The following BICD1 variants were observed in gnomAD, a reference collection of about 807,000 sequenced individuals.
BICD1 encodes BICD cargo adaptor 1.
Under a neutral mutation model 92.5 loss-of-function variants are expected in BICD1, and 35 were observed. The observed-to-expected ratio is 0.38, with a 90% CI of 0.29 to 0.50. The LOEUF (loss-of-function observed/expected upper bound fraction) is 0.50. BICD1 is among the 20% of genes least tolerant of loss of function. The pLI is 0.93. For missense variants in BICD1, 950 were observed against 1,189.8 expected, an observed-to-expected ratio of 0.80 and a Z score of 2.97; for synonymous variants, 429 against 465.1, an observed-to-expected ratio of 0.92 and a Z score of 1.00.
In BICD1 at chr12:32,296,744, G is replaced by A. The variant is rs191915413; in HGVS notation, c.579+2598G>A. 3.9e-5 allele frequency among the ~76,000 whole-genome samples: 6 copies of A among 152,264 alleles called. No homozygotes were observed. In the East Asian group the frequency reaches 7.7e-4, roughly 20 times the overall value. On this transcript the variant is annotated intron_variant, in intron 3 of 9. Transcript: ENST00000652176. ...CCTCCCTGGAGAGCCTTCCCTGACC[G>A]CATGTGGAGACTGATGGACTCAGGA... is the stretch of plus-strand genomic sequence containing the variant.
intron 1 of BICD1, among the ~76,000 whole-genome samples, chr12:32,150,623 G>A (rs1258809200): frequency 1.3e-5 from 2 of 152,172 alleles, no homozygotes; most frequent in African/African-American, 4.8e-5. Flanking sequence ...GCTTTTCCAT[G>A]CTATAGACGG....
intron 1 of BICD1, among the ~76,000 whole-genome samples, chr12:32,111,914 T>A (rs1397872351): frequency 6.6e-6 from 1 of 152,160 alleles, no homozygotes; most frequent in Non-Finnish European, 1.5e-5. Flanking sequence ...TTGGAAACTG[T>A]TTACAAACAA....
chr12:32,193,117 C>A (rs1944624933), intron 1 of BICD1, among the ~76,000 whole-genome samples: 1 of 152,182 alleles, frequency 6.6e-6, no homozygotes, highest in African/African-American at 2.4e-5. Flanking sequence ...TGCTGCCAGA[C>A]AGTATTGCCT....
intron 2 of BICD1, among the ~76,000 whole-genome samples, chr12:32,264,269 T>G (rs988102103): frequency 1.3e-5 from 2 of 152,314 alleles, no homozygotes; most frequent in Non-Finnish European, 2.9e-5. Context: ...TCTCCTCAAC[T>G]AAATTATAAA....
intron 1 of BICD1, among the ~76,000 whole-genome samples, chr12:32,181,293 G>A (rs920625343): frequency 5.3e-5 from 8 of 151,558 alleles, no homozygotes; most frequent in African/African-American, 7.3e-5. Context: ...GGTGGCATGC[G>A]CCTGTAATCC....
chr12:32,367,666 G>A lies in BICD1; in HGVS notation c.2765-4G>A. The A allele has an allele frequency of 6.2e-7, 1 of 1,613,616 alleles. No individual in the cohort carries two copies. The highest frequency in any genetic ancestry group is 1.7e-5 in the Admixed American group (1 of 60,026). ...CACATGTCTAATTTATCAGTTTCTT[G>A]TAGATTGTCAGCAGCCTGCTGCCTC... On this transcript the variant is annotated splice_region_variant and splice_polypyrimidine_tract_variant and intron_variant, in intron 8 of 9. Transcript: ENST00000652176.
rs1437205348 is a variant in BICD1, at chr12:32,377,990, C to T, written c.*363C>T. ...CGTATATTGCAGTATCATCTTTCCTCACACTCCAAATTCAGCTAGGGAAGT... is the reference window on the plus strand; with the variant it reads ...CGTATATTGCAGTATCATCTTTCCTTACACTCCAAATTCAGCTAGGGAAGT... On this transcript the variant is annotated 3_prime_UTR_variant, in exon 10 of 10. Coordinates refer to ENST00000652176, the MANE Select transcript of BICD1 (RefSeq NM_001714.4). The T allele has an allele frequency of 1.2e-5, 2 of 164,014 alleles. No homozygotes were observed. Among genetic ancestry groups the T allele is most frequent in the Non-Finnish European group, 1.3e-5 (1 of 75,542 alleles). 10.2% of individuals were successfully genotyped at this position (164,014 alleles called of 1,614,324 possible).
At chr12:32,367,565 G>T in intron 8 of BICD1, 105 bp from the exon 9 acceptor site, 1 of 1,007,594 alleles carries the variant, frequency 9.9e-7, no homozygotes, top group Non-Finnish European at 1.5e-6. Flanking sequence ...CTGTGTGAAT[G>T]CACATTCCTC....
intron 2 of BICD1, among the ~76,000 whole-genome samples, chr12:32,219,212 A>T (rs1189356510): frequency 6.6e-6 from 1 of 152,154 alleles, no homozygotes; most frequent in Non-Finnish European, 1.5e-5. Context: ...ATTTTTCTTT[A>T]CTGAAAGGAC....
intron 1 of BICD1, among the ~76,000 whole-genome samples, chr12:32,157,721 T>C (rs562614899): frequency 6.6e-6 from 1 of 152,340 alleles, no homozygotes; most frequent in South Asian, 2.1e-4. Flanking sequence ...TTCCCCCTTT[T>C]TTCTGTCTTT....
intron 8 of BICD1, among the ~76,000 whole-genome samples, chr12:32,348,753 T>C (rs1197360509): frequency 1.3e-4 from 3 of 23,498 alleles, no homozygotes; most frequent in Non-Finnish European, 2.2e-4. Flanking sequence ...TATATATATA[T>C]ATATATATAT....
intron 6 of BICD1, among the ~76,000 whole-genome samples, chr12:32,336,789 C>CTGGGG (rs1262703147): frequency 6.6e-6 from 1 of 152,138 alleles, no homozygotes; most frequent in Non-Finnish European, 1.5e-5. Flanking sequence ...AACTCTGTCC[C>CTGGGG]TGGGGTTTAA....
chr12:32,294,620 TAAAAAAAA>T (rs60052535), intron 3 of BICD1, among the ~76,000 whole-genome samples: 2 of 65,628 alleles, frequency 3.0e-5, no homozygotes, highest in Non-Finnish European at 5.8e-5. Flanking sequence ...GACTCCGTCT[TAAAAAAAA>T]AAAAAAAAAA....
At chr12:32,127,538 T>C (rs1274358400) in intron 1 of BICD1, among the ~76,000 whole-genome samples, 1 of 152,206 alleles carries the variant, frequency 6.6e-6, no homozygotes, top group Non-Finnish European at 1.5e-5. Context: ...TGGTCTATTC[T>C]TGTGCAAATG....
chr12:32,260,456 C>G (rs1009843887), intron 2 of BICD1, among the ~76,000 whole-genome samples: 7 of 152,126 alleles, frequency 4.6e-5, no homozygotes, highest in Non-Finnish European at 7.3e-5. Flanking sequence ...ACGTAGCTCA[C>G]AATAAACAAT....
intron 1 of BICD1, among the ~76,000 whole-genome samples, chr12:32,158,488 TA>T (rs1014896502): frequency 2.6e-5 from 4 of 151,566 alleles, no homozygotes; most frequent in Admixed American, 6.6e-5. Flanking sequence ...AAATTTAAAA[TA>T]AAAAAAAATT....
chr12:32,376,379 G>A (rs561755163), intron 9 of BICD1, among the ~76,000 whole-genome samples: 17 of 151,710 alleles, frequency 1.1e-4, no homozygotes, highest in South Asian at 2.1e-4. Context: ...GAGCCACCGC[G>A]CCCGGCCGCT....
chr12:32,117,705 T>TACACAC (rs1187433090), intron 1 of BICD1, among the ~76,000 whole-genome samples: 45 of 86,094 alleles, frequency 5.2e-4, no homozygotes, highest in South Asian at 1.3e-3. Context: ...TATACACAAA[T>TACACAC]ATATATACAC....
intron 2 of BICD1, among the ~76,000 whole-genome samples, chr12:32,255,760 A>T (rs1278246882): frequency 6.6e-6 from 1 of 152,120 alleles, no homozygotes; most frequent in East Asian, 1.9e-4. Flanking sequence ...TTCAGGTCTC[A>T]CTTAAGTGTC....
Sources: allele counts gnomAD v4.1 joint callset (sites outside exome capture counted in the v4.1 genomes callset), GRCh38; gene constraint gnomAD v4.1.1; transcripts MANE v1.5; gene names NCBI Gene and HGNC (gene_info 2026-07-23, HGNC 2026-07-21).